The following CACNA1A variants were observed in gnomAD, a reference collection of about 807,000 sequenced individuals.
The protein encoded by CACNA1A is calcium voltage-gated channel subunit alpha1 A, also known as voltage-dependent P/Q-type calcium channel subunit alpha-1A.
Under a neutral mutation model 262.4 loss-of-function variants are expected in CACNA1A, and 57 were observed. The observed-to-expected ratio is 0.22, with a 90% CI of 0.18 to 0.27. The LOEUF (loss-of-function observed/expected upper bound fraction) is 0.27. CACNA1A is among the 10% of genes least tolerant of loss of function. The probability of loss-of-function intolerance (pLI) is 1.00; values close to 1 mark genes in which losing one functional copy is unlikely to be tolerated. For synonymous variants in CACNA1A, 1,431 were observed against 1,419.3 expected (o/e 1.01, Z -0.18); for missense variants, 2,526 against 3,562.8 (o/e 0.71, Z 7.41).
At chr19:13,264,455 G>A (rs951874185) in intron 24 of CACNA1A, among the ~76,000 whole-genome samples, 1 of 152,200 alleles carries the variant, frequency 6.6e-6, no homozygotes, top group African/African-American at 2.4e-5. Context: ...CTCTTGCTCA[G>A]AATTCTTCTG....
chr19:13,208,877 GGATGGTGGTGGTGGTGGT>G lies in CACNA1A; in HGVS notation c.6641_6658del (p.His2214_His2219del), dbSNP rs1453912866. On this transcript the variant is annotated inframe_deletion, in exon 46 of 47. Transcript: ENST00000360228. ...ATAGCGGTCCTTGTCGGGGGGCGGG[GGATGGTGGTGGTGGTGGT>G]GGTGGTGGTGGTGCTGTCGATGCTT... The G allele has an allele frequency of 8.2e-6, 12 of 1,459,916 alleles. No homozygotes were observed. The highest frequency in any genetic ancestry group is 6.2e-5 in the South Asian group (5 of 81,082). The allele number at this position is 1,459,916 out of a possible 1,614,324, so 90.4% of individuals were successfully genotyped here.
chr19:13,408,000 G>A (rs1003412905), intron 3 of CACNA1A, among the ~76,000 whole-genome samples: 1 of 152,154 alleles, frequency 6.6e-6, no homozygotes. Context: ...CTGCCACCAT[G>A]TGAAGATGTG....
In CACNA1A at chr19:13,240,781, GCAGTGACTGAGTGTGTGCA is replaced by G. The variant is rs1248652391; in HGVS notation, c.4950+4382_4950+4400del. ...CAGTGACTGTGTGCACAGTGTGTGC[GCAGTGACTGAGTGTGTGCA>G]CAGTGACTGTGTGTGCAGTGTCTGT... On this transcript the variant is annotated intron_variant, in intron 31 of 46. Transcript: ENST00000360228. 4.6e-5 allele frequency among the ~76,000 whole-genome samples: 7 copies of G among 151,064 alleles called. No homozygotes were observed. The South Asian group carries it at 8.6e-4, about 19-fold the overall frequency.
intron 4 of CACNA1A, among the ~76,000 whole-genome samples, chr19:13,367,017 C>T (rs187921576): frequency 2.0e-5 from 3 of 152,164 alleles, no homozygotes; most frequent in East Asian, 1.9e-4. Context: ...CTAGGCAGGG[C>T]GCGGCGGCGG....
chr19:13,393,052 A>T (rs1355092903), intron 3 of CACNA1A, among the ~76,000 whole-genome samples: 1 of 152,200 alleles, frequency 6.6e-6, no homozygotes, highest in Non-Finnish European at 1.5e-5. Flanking sequence ...TACAGGCATG[A>T]GCCACTGTGC....
chr19:13,354,341 A>G (rs1197539861), intron 6 of CACNA1A, among the ~76,000 whole-genome samples: 3 of 152,200 alleles, frequency 2.0e-5, no homozygotes, highest in African/African-American at 7.2e-5. Context: ...AGCACCAGTC[A>G]TGGAGGACAA....
At chr19:13,258,522 T>C (rs1024840500) in intron 27 of CACNA1A, 1 of 152,164 alleles carries the variant, frequency 6.6e-6, no homozygotes, top group Non-Finnish European at 1.5e-5. Context: ...ATCATTTAAG[T>C]CTATTGCGAT....
At chr19:13,446,760 A>AT (rs58187031) in intron 3 of CACNA1A, among the ~76,000 whole-genome samples, 3,556 of 142,346 alleles carry the variant, frequency 0.025, 125 homozygotes, top group African/African-American at 0.08. Flanking sequence ...CCCAGCTGGG[A>AT]TTTTTTTTTT....
chr19:13,277,256 A>T, intron 22 of CACNA1A, 128 bp from the exon 23 acceptor site: 1 of 642,136 alleles, frequency 1.6e-6, no homozygotes, highest in Non-Finnish European at 2.8e-6. Context: ...TGCTATATAC[A>T]GTTGCGCAGG....
At chr19:13,305,319 C>G (rs1405880767) in intron 15 of CACNA1A, among the ~76,000 whole-genome samples, 1 of 152,134 alleles carries the variant, frequency 6.6e-6, no homozygotes, top group Non-Finnish European at 1.5e-5. Context: ...GGGGGCAGAG[C>G]AGGGGACCAG....
At chr19:13,221,398 A>C (rs1331787482) in intron 38 of CACNA1A, among the ~76,000 whole-genome samples, 2 of 148,434 alleles carry the variant, frequency 1.3e-5, no homozygotes, top group Non-Finnish European at 3.0e-5. Flanking sequence ...ATGCCTGGCT[A>C]ATTTTTGTAT....
intron 1 of CACNA1A, among the ~76,000 whole-genome samples, chr19:13,475,990 G>A (rs1978484940): frequency 6.6e-6 from 1 of 152,166 alleles, no homozygotes; most frequent in African/African-American, 2.4e-5. Context: ...TATATAAGGA[G>A]GCGGGGACAC....
rs8103699 is a variant in CACNA1A, at chr19:13,253,198, C to T, written c.4756-97G>A. The stretch of plus-strand genomic sequence containing the variant: ...CATGGCTGTTCTCCAGGCAACACTC[C>T]AGCCCCAGGCAAGGTCTGAGCAACC... On this transcript the variant is annotated intron_variant, in intron 29 of 46. Transcript: ENST00000360228. 180,926 of 717,602 alleles carry T rather than the reference C, an allele frequency of 0.25. 25,444 individuals carry two copies. Among genetic ancestry groups the T allele is most frequent in the Non-Finnish European group, 0.3 (123,148 of 413,560 alleles). The allele number at this position is 717,602 out of a possible 1,614,324, so 44.5% of individuals were successfully genotyped here.
chr19:13,208,919 T>G lies in CACNA1A; in HGVS notation c.6617A>C (p.Lys2206Thr). ...DQERGRPKDRKHRQHHHHHHH... is the reference protein window; with the variant it reads ...DQERGRPKDRTHRQHHHHHHH... ...GTGGTGGTGGTGGTGCTGTCGATGC[T>G]TCCGATCCTTGGGCCGGCCCCGCTC... is the stretch of plus-strand genomic sequence containing the variant. The change falls in exon 46 of 47, where the codon AAG (lysine) becomes ACG (threonine). Residue 2206 changes from lysine (K) to threonine (T), a missense_variant. Physicochemically the swap from Lys to Thr is moderately conservative, Grantham distance 78. Transcript: ENST00000360228. 6.5e-7 allele frequency: 1 copy of G among 1,537,194 alleles called. No homozygotes were observed. Among genetic ancestry groups the G allele is most frequent in the South Asian group, 1.2e-5 (1 of 84,060 alleles).
At chr19:13,415,773 A>AAAAAAAAAAAAAAAAAAAAT (rs2060209678) in intron 3 of CACNA1A, among the ~76,000 whole-genome samples, 1 of 132,608 alleles carries the variant, frequency 7.5e-6, no homozygotes, top group Non-Finnish European at 1.6e-5. Context: ...AAAAAAAAAA[A>AAAAAAAAAAAAAAAAAAAAT]GTAGATGGGG....
At chr19:13,224,578 A>T in intron 38 of CACNA1A, 89 bp downstream of exon 38, 1 of 827,658 alleles carries the variant, frequency 1.2e-6, no homozygotes, top group Non-Finnish European at 2.0e-6. Context: ...CCGGGTGGTG[A>T]CAGCAGATCC....
intron 10 of CACNA1A, among the ~76,000 whole-genome samples, chr19:13,318,259 T>C (rs780613835): frequency 3.3e-5 from 5 of 152,104 alleles, no homozygotes; most frequent in South Asian, 2.1e-4. Context: ...GTATCTTAGG[T>C]AGAGGAAACA....
chr19:13,468,708 A>G (rs2061298202), intron 1 of CACNA1A, among the ~76,000 whole-genome samples: 1 of 152,058 alleles, frequency 6.6e-6, no homozygotes, highest in African/African-American at 2.4e-5. Context: ...AACTGTTTGA[A>G]CCCAGGAGGC....
intron 1 of CACNA1A, among the ~76,000 whole-genome samples, chr19:13,469,147 C>T (rs1010743821): frequency 6.6e-6 from 1 of 152,188 alleles, no homozygotes; most frequent in Non-Finnish European, 1.5e-5. Context: ...AAGGTCCCTC[C>T]CAGTGCTGCT....
Sources: gnomAD v4.1 joint callset for allele counts (sites outside exome capture counted in the v4.1 genomes callset) on GRCh38, gnomAD v4.1.1 for gene constraint, MANE v1.5 for transcripts, NCBI Gene and HGNC (gene_info 2026-07-23, HGNC 2026-07-21) for gene names.